NBAS: variants seen among roughly 807,000 people sequenced by gnomAD.
The protein encoded by NBAS is NAG/BC035112 fusion.
NBAS carries 219 observed loss-of-function variants against 302.5 expected under a neutral mutation model. The ratio of observed to expected loss-of-function variants is 0.72; its 90% CI spans 0.65 to 0.81. The LOEUF (loss-of-function observed/expected upper bound fraction) is 0.81. Among genes scored for constraint, NBAS ranks in the 30% least tolerant of loss-of-function variants. NBAS has a pLI of 0.00. For missense variants in NBAS, 2,932 were observed against 2,841.6 expected, an observed-to-expected ratio of 1.03 and a Z score of -0.72; for synonymous variants, 1,118 against 1,021.6, an observed-to-expected ratio of 1.09 and a Z score of -1.80.
chr2:15,283,731 A>C (rs1669922119), intron 42 of NBAS, among the ~76,000 whole-genome samples: 1 of 152,190 alleles, frequency 6.6e-6, no homozygotes, highest in Non-Finnish European at 1.5e-5. Context: ...TCTAATCTTC[A>C]CAACCCTCTA....
At chr2:15,133,993 C>A in the NBAS span, among the ~76,000 whole-genome samples, 3 of 151,978 alleles carry the variant, frequency 2.0e-5, no homozygotes, top group Admixed American at 6.6e-5. Flanking sequence ...CACTTCCATG[C>A]CCACTGCCTG....
At chr2:15,488,744 CT>C in intron 12 of NBAS, 149 bp downstream of exon 12, 1 of 989,786 alleles carries the variant, frequency 1.0e-6, no homozygotes, top group Non-Finnish European at 1.5e-6. Context: ...ATTTATCCCA[CT>C]GTACTGATAT....
chr2:15,373,551 A>C (rs987897514), intron 31 of NBAS, among the ~76,000 whole-genome samples: 1 of 152,142 alleles, frequency 6.6e-6, no homozygotes, highest in African/African-American at 2.4e-5. Context: ...GGCTGGTCTC[A>C]AGCTTTTGGA....
the NBAS span, among the ~76,000 whole-genome samples, chr2:15,029,232 G>C: frequency 6.6e-6 from 1 of 152,208 alleles, no homozygotes; most frequent in African/African-American, 2.4e-5. Flanking sequence ...CTAAAAAATA[G>C]AAGGTAAGAC....
At chr2:15,067,424 G>A in the NBAS span, among the ~76,000 whole-genome samples, 149 of 38,648 alleles carry the variant, frequency 3.9e-3, 1 homozygote, top group Non-Finnish European at 7.4e-3. Context: ...GGAGAGGAGG[G>A]GAGAGGAGGG....
At chr2:15,190,818 A>G (rs551011987) in intron 48 of NBAS, among the ~76,000 whole-genome samples, 18 of 152,328 alleles carry the variant, frequency 1.2e-4, no homozygotes, top group Non-Finnish European at 2.2e-4. Context: ...CCTAATCTTC[A>G]TGTTGTCTAG....
At chr2:15,351,892 AC>A (rs1673376575) in intron 35 of NBAS, 99 bp downstream of exon 35, 11 of 831,794 alleles carry the variant, frequency 1.3e-5, no homozygotes, top group Admixed American at 1.9e-5. Flanking sequence ...ACACACACAC[AC>A]ACACACACAC....
At chr2:15,361,189 C>T (rs1199454689) in intron 32 of NBAS, among the ~76,000 whole-genome samples, 1 of 152,126 alleles carries the variant, frequency 6.6e-6, no homozygotes, top group Non-Finnish European at 1.5e-5. Flanking sequence ...TGTACCATTG[C>T]TGTGCAGTAC....
the NBAS span, among the ~76,000 whole-genome samples, chr2:14,904,229 G>C: frequency 6.6e-6 from 1 of 152,208 alleles, no homozygotes; most frequent in African/African-American, 2.4e-5. Context: ...CGATCACGAG[G>C]TGAAGTCCTA....
intron 28 of NBAS, chr2:15,393,620 C>T (rs1277881984): frequency 8.5e-6 from 4 of 467,866 alleles, no homozygotes; most frequent in South Asian, 4.7e-5. Context: ...GAAATGAAAG[C>T]GTATGTCTAC....
the NBAS span, among the ~76,000 whole-genome samples, chr2:14,942,942 G>A: frequency 5.9e-5 from 9 of 152,156 alleles, no homozygotes; most frequent in Admixed American, 2.6e-4. Context: ...GGAGAGCCAG[G>A]GACCTCTCTG....
the NBAS span, among the ~76,000 whole-genome samples, chr2:14,882,388 A>G: frequency 6.6e-6 from 1 of 152,162 alleles, no homozygotes; most frequent in Non-Finnish European, 1.5e-5. Flanking sequence ...GGGGATGAAA[A>G]TCATTATGAA....
chr2:14,991,276 T>TA, the NBAS span, among the ~76,000 whole-genome samples: 33 of 150,018 alleles, frequency 2.2e-4, no homozygotes, highest in African/African-American at 4.2e-4. Flanking sequence ...AATTATAATT[T>TA]AAAAAAAAAA....
chr2:14,782,282 A>T, the NBAS span, among the ~76,000 whole-genome samples: 9,809 of 152,058 alleles, frequency 0.065, 347 homozygotes, highest in African/African-American at 0.092. Flanking sequence ...TCCCCCCATT[A>T]AAAAAATGGG....
At chr2:15,252,760 T>C (rs567471896) in intron 44 of NBAS, among the ~76,000 whole-genome samples, 1 of 152,302 alleles carries the variant, frequency 6.6e-6, no homozygotes, top group Admixed American at 6.5e-5. Context: ...CTCCTTTTCA[T>C]GTTCAAACAC....
chr2:15,426,476 AAT>A (rs1677483829), intron 22 of NBAS, among the ~76,000 whole-genome samples: 1 of 152,106 alleles, frequency 6.6e-6, no homozygotes, highest in African/African-American at 2.4e-5. Flanking sequence ...TTGTTTTTTA[AAT>A]AACTGGTCTC....
the NBAS span, among the ~76,000 whole-genome samples, chr2:14,869,656 G>A: frequency 6.6e-6 from 1 of 152,150 alleles, no homozygotes; most frequent in South Asian, 2.1e-4. Context: ...TTGTCTGGGT[G>A]GTTTAATGGG....
intron 48 of NBAS, among the ~76,000 whole-genome samples, chr2:15,216,614 CAT>C: frequency 6.6e-6 from 1 of 152,288 alleles, no homozygotes; most frequent in East Asian, 1.9e-4. Context: ...TCCTTGAACT[CAT>C]ATAAAAGTTA....
the NBAS span, among the ~76,000 whole-genome samples, chr2:14,925,368 T>G: frequency 2.0e-5 from 3 of 152,286 alleles, no homozygotes; most frequent in East Asian, 5.8e-4. Flanking sequence ...GAAATATTCA[T>G]AAACTCTCGA....
Sources: allele counts gnomAD v4.1 joint callset (sites outside exome capture counted in the v4.1 genomes callset), GRCh38; gene constraint gnomAD v4.1.1; transcripts MANE v1.5; gene names NCBI Gene and HGNC (gene_info 2026-07-23, HGNC 2026-07-21).